VWF: variants seen among roughly 807,000 people sequenced by gnomAD.
VWF encodes Factor VIII related antigen.
A neutral mutation model predicts 308.6 loss-of-function variants in VWF; 176 were observed. The ratio of observed to expected loss-of-function variants is 0.57; its 90% CI spans 0.50 to 0.65. VWF has a LOEUF of 0.65. Ranked by LOEUF, VWF falls within the 30% of genes least tolerant of loss-of-function variation. The pLI, the probability that VWF is intolerant of heterozygous loss-of-function variation, is 0.00. For synonymous variants in VWF, 1,385 were observed against 1,443.4 expected (o/e 0.96, Z 0.92); for missense variants, 3,146 against 3,648.2 (o/e 0.86, Z 3.55).
At chr12:6,115,932 C>T (rs1416201934) in intron 3 of VWF, among the ~76,000 whole-genome samples, 1 of 152,224 alleles carries the variant, frequency 6.6e-6, no homozygotes, top group Non-Finnish European at 1.5e-5. Flanking sequence ...GCTTTTTTGA[C>T]TGTCCAAATC....
chr12:6,011,507 A>C lies in VWF; in HGVS notation c.5842+110T>G, dbSNP rs1943993111. ...AGGTAGCACTGTGCATGTGGTGATG[A>C]GGGAAAGGGTACTTCTGGGCTGGTG... On this transcript the variant is annotated intron_variant, in intron 34 of 51. Transcript: ENST00000261405. 5 of 898,294 alleles carry C rather than the reference A, an allele frequency of 5.6e-6. 1 individual carries two copies. The Admixed American group carries it at 1.0e-4, about 19-fold the overall frequency. The allele number at this position is 898,294 out of a possible 1,614,324, so 55.6% of individuals were successfully genotyped here. A position where few individuals can be genotyped will look rare whatever the true frequency, so the allele number is the denominator to read the frequency against.
In VWF at chr12:5,983,274, A is replaced by G; in HGVS notation, c.6977-20T>C. 1 of 1,612,032 alleles carries G rather than the reference A, an allele frequency of 6.2e-7. No individual in the cohort carries two copies. Among genetic ancestry groups the G allele is most frequent in the Non-Finnish European group, 8.5e-7 (1 of 1,178,912 alleles). ...CACACACTGAGGGCCAGAAAGAGAG[A>G]CGTCCATGCAGAGTTCAGAAAGGTT... On this transcript the variant is annotated intron_variant, in intron 40 of 51. Coordinates refer to ENST00000261405, the MANE Select transcript of VWF (RefSeq NM_000552.5).
At chr12:6,029,207 C>T in intron 22 of VWF, 135 bp downstream of exon 22, 1 of 1,128,692 alleles carries the variant, frequency 8.9e-7, no homozygotes. Context: ...GAAGAGCTAA[C>T]TATCCTAAAT....
chr12:6,005,527 T>A (rs1943915721), intron 34 of VWF, among the ~76,000 whole-genome samples: 1 of 151,922 alleles, frequency 6.6e-6, no homozygotes, highest in Non-Finnish European at 1.5e-5. Flanking sequence ...CCCAAAAGAC[T>A]CCAACTAGAA....
intron 3 of VWF, among the ~76,000 whole-genome samples, chr12:6,117,374 G>A (rs1002538515): frequency 6.6e-6 from 1 of 152,162 alleles, no homozygotes; most frequent in African/African-American, 2.4e-5. Flanking sequence ...TGGATTATGA[G>A]GGGGAGTTGA....
Position 6,110,888 on chromosome 12 carries a change from T to A in VWF, c.301A>T (p.Thr101Ser). The A allele has an allele frequency of 6.2e-7, 1 of 1,614,110 alleles. No homozygotes were observed. Among genetic ancestry groups the A allele is most frequent in the Non-Finnish European group, 8.5e-7 (1 of 1,179,988 alleles). ...TACCTTTGGTCCCCCTGTGTCACGG[T>A]ACCATTGACAAACAAATGGATGTCA... ...FFDIHLFVNG[T>S]VTQGDQRVSM... is the part of the protein sequence containing the mutation. The change falls in exon 4 of 52, where the codon ACC becomes TCC. Residue 101 changes from threonine (T) to serine (S), a missense_variant. Physicochemically the swap from Thr to Ser is moderately conservative, Grantham distance 58. This residue lies in a region of VWF where 1,304 missense variants were observed against 1,353.0 expected (regional missense o/e 0.96). Transcript: ENST00000261405.
intron 5 of VWF, among the ~76,000 whole-genome samples, chr12:6,101,435 T>C (rs1945160093): frequency 7.1e-6 from 1 of 141,428 alleles, no homozygotes. Context: ...GATAAAGAGC[T>C]TAAAAAAAAA....
chr12:6,013,819 G>T (rs1033834726), intron 31 of VWF, among the ~76,000 whole-genome samples, 174 bp from the exon 32 acceptor site: 13 of 152,156 alleles, frequency 8.5e-5, no homozygotes, highest in African/African-American at 2.9e-4. Flanking sequence ...GCTACTCTGT[G>T]TCAGGTACTA....
chr12:5,962,958 T>C (rs1010658095), intron 47 of VWF, among the ~76,000 whole-genome samples: 1 of 152,214 alleles, frequency 6.6e-6, no homozygotes, highest in Non-Finnish European at 1.5e-5. Context: ...CCCTACTTTA[T>C]ACCACATTTA....
intron 5 of VWF, among the ~76,000 whole-genome samples, chr12:6,097,211 T>A (rs545467366): frequency 6.6e-6 from 1 of 151,554 alleles, no homozygotes; most frequent in African/African-American, 2.4e-5. Context: ...CCAAGGAGGG[T>A]GGATCACGAG....
chr12:6,105,374 A>G (rs1359758187), intron 5 of VWF, among the ~76,000 whole-genome samples: 1 of 152,046 alleles, frequency 6.6e-6, no homozygotes, highest in East Asian at 1.9e-4. Flanking sequence ...GATTACAGGC[A>G]TGTGCTACCA....
intron 34 of VWF, among the ~76,000 whole-genome samples, chr12:6,007,762 T>G (rs913227961): frequency 6.6e-6 from 1 of 152,064 alleles, no homozygotes; most frequent in African/African-American, 2.4e-5. Context: ...AAACTTAGAA[T>G]TGGTTTTTTA....
rs938883572 is a variant in VWF at position 6,063,547 on chromosome 12, A to G, written c.1433-493T>C. ...CCCCTTGCCCTGGGGGAACAAACAT[A>G]TCTTATAAGGAGACACACAGCATAA... On this transcript the variant is annotated intron_variant, in intron 12 of 51. Transcript: ENST00000261405. The surrounding 1 kb of genome is among the most constrained non-coding windows in gnomAD (Gnocchi z 4.9). 6.6e-6 allele frequency among the ~76,000 whole-genome samples: 1 copy of G among 152,050 alleles called. No homozygotes were observed. Among genetic ancestry groups the G allele is most frequent in the Non-Finnish European group, 1.5e-5 (1 of 67,998 alleles).
At position 5,967,608 on chromosome 12, in the gene VWF, A is replaced by G; in HGVS notation, c.7771-6T>C. The G allele has an allele frequency of 6.2e-7, 1 of 1,613,138 alleles. No homozygotes were observed. Among genetic ancestry groups the G allele is most frequent in the Non-Finnish European group, 8.5e-7 (1 of 1,179,872 alleles). On this transcript the variant is annotated splice_region_variant and splice_polypyrimidine_tract_variant and intron_variant, in intron 46 of 51. Transcript: ENST00000261405. Reference sequence around the variant, plus strand: ...ATCATCACAGTCTTCCCGGGCTGGAAGCAGAGGCACCAGGGTCAGGCCCCC... The same window carrying G: ...ATCATCACAGTCTTCCCGGGCTGGAGGCAGAGGCACCAGGGTCAGGCCCCC...
rs1289139538 is a variant in VWF, at chr12:5,990,884, AAAAAAAAAAAAAAAAAAAAAAAAAT to A, written c.6798+910_6798+934del. 1.9e-3 allele frequency among the ~76,000 whole-genome samples: 174 copies of A among 89,772 alleles called. 3 individuals carry two copies. Among genetic ancestry groups the A allele is most frequent in the Middle Eastern group, 0.01 (2 of 198 alleles). 58.9% of individuals were successfully genotyped at this position (89,772 alleles called of 152,430 possible). The stretch of plus-strand genomic sequence containing the variant: ...CCATAGAGCTAAAAAAAAAAAAAAA[AAAAAAAAAAAAAAAAAAAAAAAAAT>A]TTTGATGACTCAGTGACTCCCAAGC... On this transcript the variant is annotated intron_variant, in intron 38 of 51. Coordinates refer to ENST00000261405, the MANE Select transcript of VWF (RefSeq NM_000552.5).
chr12:5,957,601 C>A (rs575115721), intron 47 of VWF, among the ~76,000 whole-genome samples: 10 of 144,044 alleles, frequency 6.9e-5, no homozygotes, highest in Non-Finnish European at 1.3e-4. Context: ...AAGCCAAAGA[C>A]TAAGAAACAT....
At chr12:6,042,961 C>T (rs147465831) in intron 18 of VWF, among the ~76,000 whole-genome samples, 1 of 152,252 alleles carries the variant, frequency 6.6e-6, no homozygotes, top group Non-Finnish European at 1.5e-5. Context: ...CCTAAGAGGC[C>T]CCAGGGATAA....
chr12:6,059,532 G>C (rs1016780745), intron 13 of VWF, among the ~76,000 whole-genome samples: 4 of 152,202 alleles, frequency 2.6e-5, no homozygotes, highest in African/African-American at 9.7e-5. Context: ...CAAGATGAAG[G>C]CATCAGCAGA....
At chr12:5,980,091 A>AAGGAAGG (rs1943582120) in intron 42 of VWF, among the ~76,000 whole-genome samples, 29 of 74,842 alleles carry the variant, frequency 3.9e-4, no homozygotes, top group Middle Eastern at 7.9e-3. Context: ...GAAAAGAAAG[A>AAGGAAGG]AAGGAAGGAA....
Sources: gnomAD v4.1 joint callset for allele counts (sites outside exome capture counted in the v4.1 genomes callset) on GRCh38, gnomAD v4.1.1 for gene constraint, gnomAD v4.1.1 regional missense constraint, Gnocchi (gnomAD v3.1) non-coding constraint, MANE v1.5 for transcripts, NCBI Gene and HGNC (gene_info 2026-07-23, HGNC 2026-07-21) for gene names.